FITM1: variants seen among roughly 807,000 people sequenced by gnomAD.
FITM1 encodes the protein fat storage-inducing transmembrane protein 1.
In FITM1, 11 loss-of-function variants were observed where a neutral mutation model predicts 22.2. The ratio of observed to expected loss-of-function variants is 0.50; its 90% CI spans 0.31 to 0.82. FITM1 has a LOEUF of 0.82. Ranked by LOEUF, FITM1 falls within the 40% of genes least tolerant of loss-of-function variation. The pLI is 0.04. For missense variants in FITM1, 394 were observed against 386.4 expected, an observed-to-expected ratio of 1.02 and a Z score of -0.17; for synonymous variants, 164 against 174.0, an observed-to-expected ratio of 0.94 and a Z score of 0.45.
At position 24,131,570 on chromosome 14, in the gene FITM1, C is replaced by CG; in HGVS notation, c.12dup (p.Pro5AlafsTer163). ...AGTGGGGAGGGGAGGGAACATGGAGCGGGGGCCGGTGGTGGGGGCAGGACT... is the reference window on the plus strand; with the variant it reads ...AGTGGGGAGGGGAGGGAACATGGAGCGGGGGGCCGGTGGTGGGGGCAGGACT... On this transcript the variant is annotated frameshift_variant, in exon 1 of 2. Transcript: ENST00000267426. LOFTEE classifies it high-confidence loss of function. 1 of 1,284,878 alleles carries CG rather than the reference C, an allele frequency of 7.8e-7. No individual in the cohort carries two copies. Among genetic ancestry groups the CG allele is most frequent in the South Asian group, 1.3e-5 (1 of 79,128 alleles). The allele number at this position is 1,284,878 out of a possible 1,614,324, so 79.6% of individuals were successfully genotyped here. A position where few individuals can be genotyped will look rare whatever the true frequency, so the allele number is the denominator to read the frequency against.
Position 24,132,249 on chromosome 14 carries a change from TC to T in FITM1, c.306del (p.Leu103Ter), listed in dbSNP as rs2037827690. 1 of 1,613,260 alleles carries T rather than the reference TC, an allele frequency of 6.2e-7. No individual in the cohort carries two copies. The highest frequency in any genetic ancestry group is 1.3e-5 in the African/African-American group (1 of 74,872). On this transcript the variant is annotated frameshift_variant, in exon 2 of 2. Coordinates refer to ENST00000267426, the MANE Select transcript of FITM1 (RefSeq NM_203402.3). LOFTEE classifies it high-confidence loss of function. ...VNSAWGWTCTFLGGFVLLVVF... is the reference protein window; with the variant it reads ...VNSAWGWTCTXLGGFVLLVVF... ...TCAGCCTGGGGCTGGACATGCACTT[TC>T]TTAGGGGGCTTTGTGTTGCTGGTGG... is the stretch of plus-strand genomic sequence containing the variant.
At position 24,131,705 on chromosome 14, in the gene FITM1, G is replaced by A. The variant is rs751704754; in HGVS notation, c.142G>A (p.Gly48Ser). ...FGSEQAARLL[G>S]SPCLRRLYHA... Reference sequence around the variant, plus strand: ...AAGCGAACAGGCCGCCCGCCTTCTGGGCAGCCCCTGCTTACGGCGCCTCTA... The same window carrying A: ...AAGCGAACAGGCCGCCCGCCTTCTGAGCAGCCCCTGCTTACGGCGCCTCTA... Residue 48 changes from glycine to serine, a missense_variant, in exon 1 of 2, where the codon GGC becomes AGC. Gly to Ser is a moderately conservative substitution (Grantham distance 56). Coordinates refer to ENST00000267426, the MANE Select transcript of FITM1 (RefSeq NM_203402.3). 6.8e-6 allele frequency: 11 copies of A among 1,614,074 alleles called. No homozygotes were observed. The highest frequency in any genetic ancestry group is 9.3e-6 in the Non-Finnish European group (11 of 1,180,046).
At chr14:24,131,915 C>A in intron 1 of FITM1, 86 bp downstream of exon 1, 2 of 1,492,858 alleles carry the variant, frequency 1.3e-6, no homozygotes, top group Non-Finnish European at 1.8e-6. Context: ...TCCTGCCAGT[C>A]TGAACACTAA....
Position 24,130,867 on chromosome 14 carries a change from C to A in FITM1, c.-697C>A, listed in dbSNP as rs117770810. Reference sequence around the variant, plus strand: ...GGGATCTGAGGGTCAACGTGATCAACAGATGAAACCGCCAGTTTATACAGC... The same window carrying A: ...GGGATCTGAGGGTCAACGTGATCAAAAGATGAAACCGCCAGTTTATACAGC... On this transcript the variant is annotated 5_prime_UTR_variant, in exon 1 of 2. Transcript: ENST00000267426. Among the ~76,000 whole-genome samples, 1 of 152,352 alleles carries A rather than the reference C, an allele frequency of 6.6e-6. No individual in the cohort carries two copies. The highest frequency in any genetic ancestry group is 2.1e-4 in the South Asian group (1 of 4,828).
In FITM1 at chr14:24,131,007, C is replaced by G. The variant is rs931424823; in HGVS notation, c.-557C>G. Among the ~76,000 whole-genome samples, 10 of 152,238 alleles carry G rather than the reference C, an allele frequency of 6.6e-5. No homozygotes were observed. The highest frequency in any genetic ancestry group is 2.4e-4 in the African/African-American group (10 of 41,466). The stretch of plus-strand genomic sequence containing the variant: ...TGGATACCCATGCTGATCTGCCTCC[C>G]AAGGCCTATGATGGCCACAGTGCTG... On this transcript the variant is annotated 5_prime_UTR_variant, in exon 1 of 2. Coordinates refer to ENST00000267426, the MANE Select transcript of FITM1 (RefSeq NM_203402.3).
In FITM1 at chr14:24,132,760, G is replaced by A; in HGVS notation, c.816G>A (p.Trp272Ter). The A allele has an allele frequency of 6.2e-7, 1 of 1,613,368 alleles. No homozygotes were observed. The highest frequency in any genetic ancestry group is 8.5e-7 in the Non-Finnish European group (1 of 1,179,888). ...ATGGCAGCTGGTATCATCAGCCCTGGTCTCCAGGGAGCCCAGGCCATGGGC... is the reference window on the plus strand; with the variant it reads ...ATGGCAGCTGGTATCATCAGCCCTGATCTCCAGGGAGCCCAGGCCATGGGC... ...LTYGSWYHQPWSPGSPGHGLF... is the reference protein window; with the variant it reads ...LTYGSWYHQP The change falls in exon 2 of 2, where the codon TGG (tryptophan) becomes TGA (stop). Residue 272 changes from tryptophan (W) to a stop codon, truncating the protein, a stop_gained. Coordinates refer to ENST00000267426, the MANE Select transcript of FITM1 (RefSeq NM_203402.3). LOFTEE classifies it high-confidence loss of function.
chr14:24,132,830 T>A lies in FITM1; in HGVS notation c.*7T>A, dbSNP rs763653375. 6.2e-7 allele frequency: 1 copy of A among 1,601,052 alleles called. No individual in the cohort carries two copies. Among genetic ancestry groups the A allele is most frequent in the Non-Finnish European group, 8.5e-7 (1 of 1,177,922 alleles). ...CAGCCGCAAGCATAACTGAAAGAAA[T>A]AAAAACCATCGGGCCTGGCTGTGGC... is the stretch of plus-strand genomic sequence containing the variant. On this transcript the variant is annotated 3_prime_UTR_variant, in exon 2 of 2. Transcript: ENST00000267426.
chr14:24,131,297 CAAGGACACAGGACTAACAGGA>C lies in FITM1; in HGVS notation c.-256_-236del, dbSNP rs1446927176. ...ACAGGAACTGGAACATGGTCGGAGC[CAAGGACACAGGACTAACAGGA>C]AAGGACACAGACTGCTGTCAGGACA... On this transcript the variant is annotated 5_prime_UTR_variant, in exon 1 of 2. Coordinates refer to ENST00000267426, the MANE Select transcript of FITM1 (RefSeq NM_203402.3). 1.6e-6 allele frequency: 1 copy of C among 635,096 alleles called. No homozygotes were observed. The highest frequency in any genetic ancestry group is 1.8e-5 in the African/African-American group (1 of 55,736). 39.3% of individuals were successfully genotyped at this position (635,096 alleles called of 1,614,324 possible).
chr14:24,131,381 G>A lies in FITM1; in HGVS notation c.-183G>A, dbSNP rs1463058795. 7.8e-5 allele frequency: 55 copies of A among 708,358 alleles called. No individual in the cohort carries two copies. The highest frequency in any genetic ancestry group is 1.4e-4 in the Non-Finnish European group (54 of 392,234). 43.9% of individuals were successfully genotyped at this position (708,358 alleles called of 1,614,324 possible). A position where few individuals can be genotyped will look rare whatever the true frequency, so the allele number is the denominator to read the frequency against. The stretch of plus-strand genomic sequence containing the variant: ...CACCCGAGGCCAGGACCCTGCTGAC[G>A]TGGCAGACCTCCACCCTGGCCCCTT... On this transcript the variant is annotated 5_prime_UTR_variant, in exon 1 of 2. It adds an upstream start codon to the 5' untranslated region. Coordinates refer to ENST00000267426, the MANE Select transcript of FITM1 (RefSeq NM_203402.3).
chr14:24,132,119 G>A (rs2037826820), intron 1 of FITM1, 92 bp from the exon 2 acceptor site: 1 of 1,526,214 alleles, frequency 6.6e-7, no homozygotes, highest in Admixed American at 2.2e-5. Context: ...GAGTGATGAT[G>A]TGTAGGGTTG....
In FITM1 at chr14:24,131,435, C is replaced by T. The variant is rs1308464095; in HGVS notation, c.-129C>T. The T allele has an allele frequency of 1.0e-6, 1 of 957,100 alleles. No homozygotes were observed. Among genetic ancestry groups the T allele is most frequent in the Non-Finnish European group, 1.6e-6 (1 of 618,672 alleles). The allele number at this position is 957,100 out of a possible 1,614,324, so 59.3% of individuals were successfully genotyped here. A position where few individuals can be genotyped will look rare whatever the true frequency, so the allele number is the denominator to read the frequency against. On this transcript the variant is annotated 5_prime_UTR_variant, in exon 1 of 2. Coordinates refer to ENST00000267426, the MANE Select transcript of FITM1 (RefSeq NM_203402.3). ...GCCCCCCGCCCCTCTCCCCCACCTG[C>T]CAGCTGCCAACAGGGCTCTGCCTTG...
intron 1 of FITM1, 127 bp from the exon 2 acceptor site, chr14:24,132,084 G>A: frequency 1.4e-6 from 2 of 1,388,694 alleles, no homozygotes; most frequent in Non-Finnish European, 1.9e-6. Flanking sequence ...ACTGGGGGCT[G>A]TAAAGGGCAC....
chr14:24,132,089 G>A, intron 1 of FITM1, 122 bp from the exon 2 acceptor site: 1 of 1,409,576 alleles, frequency 7.1e-7, no homozygotes, highest in Non-Finnish European at 9.6e-7. Flanking sequence ...GGGCTGTAAA[G>A]GGCACGGCAA....
In FITM1 at chr14:24,132,218, G is replaced by C. The variant is rs1270367141; in HGVS notation, c.274G>C (p.Val92Leu). Reference sequence around the variant, plus strand: ...TCCCTTCTTTGCCCACAGAAAATTTGTGAATTCAGCCTGGGGCTGGACATG... The same window carrying C: ...TCCCTTCTTTGCCCACAGAAAATTTCTGAATTCAGCCTGGGGCTGGACATG... ...SHGNFFNIKF[V>L]NSAWGWTCTF... Residue 92 changes from valine to leucine, a missense_variant, in exon 2 of 2, where the codon GTG (valine) becomes CTG (leucine). Transcript: ENST00000267426. 1 of 1,608,516 alleles carries C rather than the reference G, an allele frequency of 6.2e-7. No homozygotes were observed. Among genetic ancestry groups the C allele is most frequent in the South Asian group, 1.1e-5 (1 of 90,338 alleles).
Position 24,132,194 on chromosome 14 carries a change from C to T in FITM1, c.267-17C>T, listed in dbSNP as rs1382848155. ...ATGGAGCTTGGGGTCTCAATAGTCT[C>T]CCTTCTTTGCCCACAGAAAATTTGT... On this transcript the variant is annotated splice_polypyrimidine_tract_variant and intron_variant, in intron 1 of 1. Coordinates refer to ENST00000267426, the MANE Select transcript of FITM1 (RefSeq NM_203402.3). The T allele has an allele frequency of 6.2e-7, 1 of 1,606,760 alleles. No individual in the cohort carries two copies. Among genetic ancestry groups the T allele is most frequent in the East Asian group, 2.2e-5 (1 of 44,888 alleles).
rs1483914685 is a variant in FITM1 at position 24,130,858 on chromosome 14, C to T, written c.-706C>T. On this transcript the variant is annotated 5_prime_UTR_variant, in exon 1 of 2. The change creates a new upstream start codon in the 5' untranslated region. Coordinates refer to ENST00000267426, the MANE Select transcript of FITM1 (RefSeq NM_203402.3). ...TAATCTTTAGGGATCTGAGGGTCAA[C>T]GTGATCAACAGATGAAACCGCCAGT... 3.3e-5 allele frequency among the ~76,000 whole-genome samples: 5 copies of T among 152,230 alleles called. No homozygotes were observed. Among genetic ancestry groups the T allele is most frequent in the African/African-American group, 4.8e-5 (2 of 41,462 alleles).
chr14:24,131,858 G>T (rs778136674), intron 1 of FITM1, 29 bp downstream of exon 1: 1 of 1,547,564 alleles, frequency 6.5e-7, no homozygotes, highest in African/African-American at 1.4e-5. Context: ...GTGGGAGCCG[G>T]GTCCCTGCAC....
In FITM1 at chr14:24,130,750, A is replaced by T. The variant is rs2037814845; in HGVS notation, c.-814A>T. ...GAGGCCCAGGGTAGTTGGTTGGAGG[A>T]TGGAACTTAAGGTTTCAATTGACTC... On this transcript the variant is annotated 5_prime_UTR_variant, in exon 1 of 2. An upstream start codon of the reference 5' UTR is lost. Transcript: ENST00000267426. 6.6e-6 allele frequency among the ~76,000 whole-genome samples: 1 copy of T among 152,180 alleles called. No homozygotes were observed. The highest frequency in any genetic ancestry group is 1.5e-5 in the Non-Finnish European group (1 of 68,028).
chr14:24,132,195 CCTT>C lies in FITM1; in HGVS notation c.267-12_267-10del. The C allele has an allele frequency of 6.2e-7, 1 of 1,606,864 alleles. No homozygotes were observed. The highest frequency in any genetic ancestry group is 8.5e-7 in the Non-Finnish European group (1 of 1,178,048). On this transcript the variant is annotated splice_polypyrimidine_tract_variant and intron_variant, in intron 1 of 1. Coordinates refer to ENST00000267426, the MANE Select transcript of FITM1 (RefSeq NM_203402.3). ...TGGAGCTTGGGGTCTCAATAGTCTC[CCTT>C]CTTTGCCCACAGAAAATTTGTGAAT...
Sources: gnomAD v4.1 joint callset for allele counts (sites outside exome capture counted in the v4.1 genomes callset) on GRCh38, gnomAD v4.1.1 for gene constraint, MANE v1.5 for transcripts, NCBI Gene and HGNC (gene_info 2026-07-23, HGNC 2026-07-21) for gene names.